Variants in PEAR1 observed in about 807,000 individuals in gnomAD.
PEAR1 encodes platelet endothelial aggregation receptor 1.
A neutral mutation model predicts 131.2 loss-of-function variants in PEAR1; 113 were observed. That is an observed-to-expected ratio of 0.86 (90% confidence interval 0.74 to 1.01). PEAR1 has a LOEUF of 1.01. PEAR1 is among the 50% of genes least tolerant of loss of function. The pLI is 0.00. For synonymous variants in PEAR1, 565 were observed against 523.3 expected (o/e 1.08, Z -1.09); for missense variants, 1,408 against 1,391.1 (o/e 1.01, Z -0.19).
chr1:156,896,539 C>T (rs531547432), intron 1 of PEAR1, among the ~76,000 whole-genome samples: 1 of 152,318 alleles, frequency 6.6e-6, no homozygotes, highest in East Asian at 1.9e-4. Context: ...GGAGGGGTTG[C>T]GATTGATGTG....
In PEAR1 at chr1:156,913,439, G is replaced by A. The variant is rs374669177; in HGVS notation, c.2560G>A (p.Gly854Arg). 6.2e-6 allele frequency: 10 copies of A among 1,613,734 alleles called. No individual in the cohort carries two copies. The African/African-American group carries it at 1.2e-4, about 19-fold the overall frequency. The change falls in exon 20 of 23, where the codon GGG (glycine) becomes AGG (arginine). Residue 854 changes from glycine (G) to arginine (R), a missense_variant. Coordinates refer to ENST00000292357, the MANE Select transcript of PEAR1 (RefSeq NM_001080471.3). ...CCTGCAGAACCCTGAGCGGCCAGGT[G>A]GGGCCCAAGGGCATGATAACCACAC... ...ASLQNPERPG[G>R]AQGHDNHTTL...
Position 156,907,818 on chromosome 1 carries a change from G to C in PEAR1, c.765+88G>C, listed in dbSNP as rs1033408196. 6 of 1,566,210 alleles carry C rather than the reference G, an allele frequency of 3.8e-6. No individual in the cohort carries two copies. The South Asian group carries it at 7.1e-5, about 18-fold the overall frequency. Reference sequence around the variant, plus strand: ...TAAGCAGGGCTCCAAGGTGAGTGAGGGGGGTGAGCTCTGTGGTTATGGGGG... The same window carrying C: ...TAAGCAGGGCTCCAAGGTGAGTGAGCGGGGTGAGCTCTGTGGTTATGGGGG... On this transcript the variant is annotated intron_variant, in intron 7 of 22. Transcript: ENST00000292357.
rs924200641 is a variant in PEAR1, at chr1:156,909,738, G to T, written c.1412-13G>T. On this transcript the variant is annotated splice_polypyrimidine_tract_variant and intron_variant, in intron 11 of 22. Transcript: ENST00000292357. ...ATGGGTCCCCATACCTACCTACCAG[G>T]CCCCTCCTCCAGGTTGGCAGCGTGG... 1.9e-6 allele frequency: 3 copies of T among 1,588,346 alleles called. No individual in the cohort carries two copies. Among genetic ancestry groups the T allele is most frequent in the Non-Finnish European group, 2.6e-6 (3 of 1,163,758 alleles).
chr1:156,914,989 T>C lies in PEAR1; in HGVS notation c.*191T>C. The C allele has an allele frequency of 1.6e-6, 1 of 621,072 alleles. No homozygotes were observed. The allele number at this position is 621,072 out of a possible 1,614,324, so 38.5% of individuals were successfully genotyped here. On this transcript the variant is annotated 3_prime_UTR_variant, in exon 23 of 23. Transcript: ENST00000292357. ...CCATGGGAGACGCTGATCAGCAGGA[T>C]GCCTGGCTCCCTTTCCCAACCCACT...
rs770419580 is a variant in PEAR1 at position 156,906,658 on chromosome 1, G to T, written c.422G>T (p.Gly141Val). The T allele has an allele frequency of 1.9e-6, 3 of 1,614,168 alleles. No individual in the cohort carries two copies. The East Asian group carries it at 6.7e-5, about 36-fold the overall frequency. ...ACAGAGTGTGCCCCAGGAATGTGGG[G>T]GCCACAGTGTGACAAGCCCTGCAGC... Reference protein sequence around the residue: ...CSSECAPGMWGPQCDKPCSCG... With the variant: ...CSSECAPGMWVPQCDKPCSCG... Residue 141 changes from glycine to valine, a missense_variant, in exon 6 of 23, where the codon GGG becomes GTG. Transcript: ENST00000292357.
At position 156,914,006 on chromosome 1, in the gene PEAR1, G is replaced by A; in HGVS notation, c.2868G>A (p.Arg956=). Residue 956 remains arginine (R), a synonymous_variant, in exon 22 of 23, where the codon AGG becomes AGA. Transcript: ENST00000292357. ...GCCCTCCCTCAGGATCTCCCCCCAG[G>A]CAGCCTCCTCAGTTCTGGGACAGCC... The part of the protein sequence containing the change: ...MKGPPSGSPP[R]QPPQFWDSQR... 1 of 1,612,828 alleles carries A rather than the reference G, an allele frequency of 6.2e-7. No individual in the cohort carries two copies. Among genetic ancestry groups the A allele is most frequent in the East Asian group, 2.2e-5 (1 of 44,840 alleles).
chr1:156,915,359 G>A lies in PEAR1; in HGVS notation c.*561G>A, dbSNP rs1159912201. The A allele has an allele frequency of 2.0e-5, 3 of 152,232 alleles. No individual in the cohort carries two copies. Among genetic ancestry groups the A allele is most frequent in the African/African-American group, 7.2e-5 (3 of 41,428 alleles). The allele number at this position is 152,232 out of a possible 1,614,324, so 9.4% of individuals were successfully genotyped here. On this transcript the variant is annotated 3_prime_UTR_variant, in exon 23 of 23. Transcript: ENST00000292357. ...TGAAAGCCTTCATAGGTGCCTCTTT[G>A]CTCTTCTGCCAGTATCAAAACTTTT... is the stretch of plus-strand genomic sequence containing the variant.
At position 156,908,007 on chromosome 1, in the gene PEAR1, A is replaced by AT; in HGVS notation, c.860dup (p.Thr288HisfsTer30). The AT allele has an allele frequency of 6.6e-7, 1 of 1,520,920 alleles. No homozygotes were observed. Among genetic ancestry groups the AT allele is most frequent in the Non-Finnish European group, 8.9e-7 (1 of 1,123,588 alleles). 94.2% of individuals were successfully genotyped at this position (1,520,920 alleles called of 1,614,324 possible). A position where few individuals can be genotyped will look rare whatever the true frequency, so the allele number is the denominator to read the frequency against. On this transcript the variant is annotated frameshift_variant, in exon 8 of 23. Coordinates refer to ENST00000292357, the MANE Select transcript of PEAR1 (RefSeq NM_001080471.3). LOFTEE classifies it high-confidence loss of function. The surrounding 1 kb of genome is among the most constrained non-coding windows in gnomAD (Gnocchi z 4.2). Reference sequence around the variant, plus strand: ...GCCACAACGGCGGCCTCTGTGACCGATTCACTGGGCAGTGCCGCTGCGCTC... The same window carrying AT: ...GCCACAACGGCGGCCTCTGTGACCGATTTCACTGGGCAGTGCCGCTGCGCTC...
In PEAR1 at chr1:156,908,693, G is replaced by C. The variant is rs1291648761; in HGVS notation, c.1154G>C (p.Gly385Ala). Residue 385 changes from glycine (G) to alanine (A), a missense_variant, in exon 10 of 23, where the codon GGC becomes GCC. Transcript: ENST00000292357. The surrounding 1 kb of genome is among the most constrained non-coding windows in gnomAD (Gnocchi z 4.2). ...AACGGGGAGTGCTCCTGCCTGCCGGGCTGGGCGGGCCTCCACTGCAACGAG... is the reference window on the plus strand; with the variant it reads ...AACGGGGAGTGCTCCTGCCTGCCGGCCTGGGCGGGCCTCCACTGCAACGAG... Reference protein sequence around the residue: ...PMNGECSCLPGWAGLHCNESC... With the variant: ...PMNGECSCLPAWAGLHCNESC... 6.5e-7 allele frequency: 1 copy of C among 1,537,556 alleles called. No homozygotes were observed. Among genetic ancestry groups the C allele is most frequent in the Middle Eastern group, 2.2e-4 (1 of 4,534 alleles).
At chr1:156,897,846 G>A (rs369972565) in intron 1 of PEAR1, among the ~76,000 whole-genome samples, 4 of 152,180 alleles carry the variant, frequency 2.6e-5, no homozygotes, top group African/African-American at 9.6e-5. Context: ...TGATGGGAGC[G>A]CAGGGGTAGA....
rs900567200 is a variant in PEAR1, at chr1:156,912,233, C to A, written c.1952-14C>A. 16 of 1,605,058 alleles carry A rather than the reference C, an allele frequency of 1.0e-5. No individual in the cohort carries two copies. Among genetic ancestry groups the A allele is most frequent in the Admixed American group, 1.7e-5 (1 of 58,546 alleles). ...TGTACCTGCCCCACCAGACAGGCCC[C>A]ATGTCTCCCGTAGCATGCCCTCCAG... On this transcript the variant is annotated splice_polypyrimidine_tract_variant and intron_variant, in intron 15 of 22. Transcript: ENST00000292357.
At position 156,908,864 on chromosome 1, in the gene PEAR1, G is replaced by A. The variant is rs1303268798; in HGVS notation, c.1290+35G>A. ...GCCCGGCTGCAAGGAAGCGAGGCAG[G>A]TGGAGAGGCCAAGGAATGGGCCGCC... is the stretch of plus-strand genomic sequence containing the variant. On this transcript the variant is annotated intron_variant, in intron 10 of 22. Transcript: ENST00000292357. This position sits in a 1 kb window ranked among gnomAD's most constrained non-coding sequence, Gnocchi z 4.2. 4 of 1,607,330 alleles carry A rather than the reference G, an allele frequency of 2.5e-6. No individual in the cohort carries two copies. The highest frequency in any genetic ancestry group is 3.4e-6 in the Non-Finnish European group (4 of 1,178,272).
intron 22 of PEAR1, 114 bp from the exon 23 acceptor site, chr1:156,914,533 C>A: frequency 9.2e-7 from 1 of 1,084,912 alleles, no homozygotes; most frequent in Non-Finnish European, 1.3e-6. Context: ...CAGGCCCCAT[C>A]TGCTTCTCTT....
At position 156,915,994 on chromosome 1, in the gene PEAR1, G is replaced by A. The variant is rs1016735515; in HGVS notation, c.*1196G>A. On this transcript the variant is annotated 3_prime_UTR_variant, in exon 23 of 23. Coordinates refer to ENST00000292357, the MANE Select transcript of PEAR1 (RefSeq NM_001080471.3). ...CAGGGTAACAACGCAGAGCTCAGGT[G>A]TGGGAAGGTGCCAGGGGCAGGGGTG... 1 of 152,336 alleles carries A rather than the reference G, an allele frequency of 6.6e-6. No individual in the cohort carries two copies. Among genetic ancestry groups the A allele is most frequent in the African/African-American group, 2.4e-5 (1 of 41,458 alleles). 9.4% of individuals were successfully genotyped at this position (152,336 alleles called of 1,614,324 possible). A position where few individuals can be genotyped will look rare whatever the true frequency, so the allele number is the denominator to read the frequency against.
rs142345759 is a variant in PEAR1, at chr1:156,906,860, C to A, written c.624C>A (p.Pro208=). The change falls in exon 6 of 23, where the codon CCC becomes CCA. Residue 208 remains proline (P), a synonymous_variant. Transcript: ENST00000292357. The stretch of plus-strand genomic sequence containing the variant: ...CCCAGACTGGAGCCTGCTTCTGCCC[C>A]GCAGAGAGAACTGGGCCCAGGTATG... ...CDPQTGACFC[P]AERTGPSCDV... 20 of 1,614,068 alleles carry A rather than the reference C, an allele frequency of 1.2e-5. No homozygotes were observed. In the African/African-American group the frequency reaches 2.3e-4, roughly 18 times the overall value.
Position 156,912,904 on chromosome 1 carries a change from C to G in PEAR1, c.2344C>G (p.Gln782Glu), listed in dbSNP as rs1317601096. ...ACTGTTCATTGGCTATCGGCACTGG[C>G]AAAAAGGCAAGGAGCACCACCACCT... is the stretch of plus-strand genomic sequence containing the variant. Reference protein sequence around the residue: ...VALFIGYRHWQKGKEHHHLAV... With the variant: ...VALFIGYRHWEKGKEHHHLAV... Residue 782 changes from glutamine (Q) to glutamate (E), a missense_variant, in exon 18 of 23, where the codon CAA becomes GAA. By Grantham distance (29) the Gln-to-Glu change is conservative. Coordinates refer to ENST00000292357, the MANE Select transcript of PEAR1 (RefSeq NM_001080471.3). 6.2e-7 allele frequency: 1 copy of G among 1,614,082 alleles called. No homozygotes were observed. Among genetic ancestry groups the G allele is most frequent in the Admixed American group, 1.7e-5 (1 of 60,002 alleles).
intron 1 of PEAR1, among the ~76,000 whole-genome samples, chr1:156,900,807 A>T (rs779654719): frequency 6.6e-6 from 1 of 152,080 alleles, no homozygotes; most frequent in Non-Finnish European, 1.5e-5. Context: ...CAGTGAGTGC[A>T]CTGTGGGCCC....
At chr1:156,904,983 G>T (rs745666754) in intron 3 of PEAR1, 131 bp downstream of exon 3, 30 of 1,555,950 alleles carry the variant, frequency 1.9e-5, no homozygotes, top group Non-Finnish European at 2.6e-5. Flanking sequence ...GATTCATTCT[G>T]CATGGTCTGT....
intron 1 of PEAR1, among the ~76,000 whole-genome samples, chr1:156,901,861 T>C (rs1388300004): frequency 7.4e-6 from 1 of 134,868 alleles, no homozygotes; most frequent in Non-Finnish European, 1.6e-5. Flanking sequence ...GGAAGATGGC[T>C]GGAGCAGGGC....
Sources: gnomAD v4.1 joint callset for allele counts (sites outside exome capture counted in the v4.1 genomes callset) on GRCh38, gnomAD v4.1.1 for gene constraint, Gnocchi (gnomAD v3.1) non-coding constraint, MANE v1.5 for transcripts, NCBI Gene and HGNC (gene_info 2026-07-23, HGNC 2026-07-21) for gene names.